The following TSPAN12 variants were observed in gnomAD, a reference collection of about 807,000 sequenced individuals.
TSPAN12 encodes the protein tetraspanin-12.
Under a neutral mutation model 39.2 loss-of-function variants are expected in TSPAN12, and 19 were observed. That is an observed-to-expected ratio of 0.49 (90% CI 0.34 to 0.71). TSPAN12 has a LOEUF of 0.71. TSPAN12 is among the 30% of genes least tolerant of loss of function. TSPAN12 has a pLI of 0.01. For missense variants in TSPAN12, 314 were observed against 359.9 expected (o/e 0.87, Z 1.03); for synonymous variants, 119 against 124.8 (o/e 0.95, Z 0.31).
chr7:120,829,537 T>A (rs192312781), intron 4 of TSPAN12, among the ~76,000 whole-genome samples: 19 of 152,338 alleles, frequency 1.2e-4, no homozygotes, highest in Admixed American at 1.1e-3. Flanking sequence ...CATCTCCTTT[T>A]AAATGAATGT....
intron 7 of TSPAN12, 32 bp from the exon 8 acceptor site, chr7:120,788,929 T>C (rs1384928922): frequency 6.2e-7 from 1 of 1,610,794 alleles, no homozygotes; most frequent in South Asian, 1.1e-5. Context: ...AACATTACTT[T>C]AGATATGTTA....
rs141656894 is a variant in TSPAN12, at chr7:120,817,052, A to T, written c.286-1249T>A. On this transcript the variant is annotated intron_variant, in intron 4 of 7. Coordinates refer to ENST00000222747, the MANE Select transcript of TSPAN12 (RefSeq NM_012338.4). The stretch of plus-strand genomic sequence containing the variant: ...ATAAAAAATCTAATTTTATTTGATT[A>T]ACATAAAAATGTTTATCTAAGTATC... 1.1e-4 allele frequency among the ~76,000 whole-genome samples: 17 copies of T among 152,288 alleles called. 1 individual carries two copies. In the East Asian group the frequency reaches 1.7e-3, roughly 16 times the overall value.
chr7:120,818,485 C>T (rs1794127721), intron 4 of TSPAN12, among the ~76,000 whole-genome samples: 2 of 151,902 alleles, frequency 1.3e-5, no homozygotes, highest in South Asian at 4.1e-4. Context: ...CTTAAAGTTT[C>T]TTTGTTCATA....
chr7:120,840,053 A>G lies in TSPAN12; in HGVS notation c.123T>C (p.Asn41=). The part of the protein sequence containing the change: ...VSAWMRDYLN[N]VLTLTAETRV... ...TCGTTTCTGCAGTTAAAGTGAGAAC[A>G]TTATTTAGGTAGTCCCTCATCCAAG... Residue 41 remains asparagine, a synonymous_variant, in exon 3 of 8, where the codon AAT becomes AAC. Coordinates refer to ENST00000222747, the MANE Select transcript of TSPAN12 (RefSeq NM_012338.4). The G allele has an allele frequency of 6.2e-7, 1 of 1,613,716 alleles. No individual in the cohort carries two copies. Among genetic ancestry groups the G allele is most frequent in the Non-Finnish European group, 8.5e-7 (1 of 1,179,672 alleles).
intron 4 of TSPAN12, among the ~76,000 whole-genome samples, chr7:120,824,388 G>GC (rs1467756253): frequency 6.6e-6 from 1 of 151,904 alleles, no homozygotes; most frequent in Non-Finnish European, 1.5e-5. Context: ...GTTGCAGTGA[G>GC]CCAAGATGGT....
intron 2 of TSPAN12, among the ~76,000 whole-genome samples, chr7:120,847,227 A>T (rs1305127681): frequency 7.2e-6 from 1 of 139,798 alleles, no homozygotes; most frequent in African/African-American, 2.9e-5. Context: ...TAGAAGAGCT[A>T]TATGACAAAA....
chr7:120,814,758 G>T (rs1794047718), intron 5 of TSPAN12, among the ~76,000 whole-genome samples: 1 of 152,256 alleles, frequency 6.6e-6, no homozygotes, highest in Admixed American at 6.5e-5. Flanking sequence ...AGCTATAAAA[G>T]TTGTCCCAAC....
intron 4 of TSPAN12, among the ~76,000 whole-genome samples, chr7:120,828,785 A>C (rs567660392): frequency 6.6e-6 from 1 of 151,912 alleles, no homozygotes; most frequent in Admixed American, 6.6e-5. Context: ...TCTGTGCTTC[A>C]ACTCAACTGT....
chr7:120,814,239 C>G (rs1253571509), intron 5 of TSPAN12: 1 of 456,594 alleles, frequency 2.2e-6, no homozygotes, highest in Non-Finnish European at 4.4e-6. Context: ...CCAAATGACT[C>G]TCTTCGCTCT....
chr7:120,850,507 T>A (rs566075218), intron 2 of TSPAN12, among the ~76,000 whole-genome samples: 6 of 152,288 alleles, frequency 3.9e-5, no homozygotes, highest in Non-Finnish European at 8.8e-5. Context: ...TCAGGATTAT[T>A]CCCTGAGTGG....
At chr7:120,796,140 T>G (rs1793624533) in intron 7 of TSPAN12, among the ~76,000 whole-genome samples, 1 of 152,180 alleles carries the variant, frequency 6.6e-6, no homozygotes, top group Non-Finnish European at 1.5e-5. Flanking sequence ...GTGAGGCCAG[T>G]TCCAGCAGCC....
At chr7:120,801,092 C>T (rs1472791128) in intron 7 of TSPAN12, among the ~76,000 whole-genome samples, 1 of 152,088 alleles carries the variant, frequency 6.6e-6, no homozygotes, top group African/African-American at 2.4e-5. Flanking sequence ...GGCTCCTTAT[C>T]TTGTCTTTAA....
chr7:120,830,141 A>C (rs1192923164), intron 4 of TSPAN12, among the ~76,000 whole-genome samples: 2 of 152,110 alleles, frequency 1.3e-5, no homozygotes, highest in African/African-American at 4.8e-5. Context: ...GATGAAAGAA[A>C]TTGAAGATGA....
intron 2 of TSPAN12, among the ~76,000 whole-genome samples, chr7:120,846,979 A>G (rs1794682293): frequency 6.6e-6 from 1 of 152,210 alleles, no homozygotes; most frequent in Non-Finnish European, 1.5e-5. Flanking sequence ...TGACATGGTA[A>G]GCAAAATTGG....
chr7:120,797,036 A>T (rs1793645930), intron 7 of TSPAN12, among the ~76,000 whole-genome samples: 1 of 152,192 alleles, frequency 6.6e-6, no homozygotes, highest in East Asian at 1.9e-4. Flanking sequence ...AGGCGCCTGT[A>T]GTCCCAGCTG....
At chr7:120,813,443 T>C (rs1794020718) in intron 5 of TSPAN12, among the ~76,000 whole-genome samples, 1 of 152,198 alleles carries the variant, frequency 6.6e-6, no homozygotes. Flanking sequence ...TAGAAGAAAG[T>C]GTCTAAACAA....
At chr7:120,820,591 T>G (rs770365105) in intron 4 of TSPAN12, among the ~76,000 whole-genome samples, 1 of 152,100 alleles carries the variant, frequency 6.6e-6, no homozygotes, top group Non-Finnish European at 1.5e-5. Context: ...CTGCTGTATT[T>G]CAGGTCTCAG....
At chr7:120,803,592 T>C (rs903509480) in intron 7 of TSPAN12, among the ~76,000 whole-genome samples, 3 of 152,220 alleles carry the variant, frequency 2.0e-5, no homozygotes, top group Non-Finnish European at 4.4e-5. Flanking sequence ...TATCAGCATA[T>C]GTTATTAGTT....
Position 120,857,363 on chromosome 7 carries a change from T to G in TSPAN12, c.-71+457A>C, listed in dbSNP as rs1348749325. On this transcript the variant is annotated intron_variant, in intron 1 of 7. Transcript: ENST00000222747. Reference sequence around the variant, plus strand: ...CAGCTCGGGTGTGAATGCAAGGGACTGGGGCGGCGGGGCGGGGGCGGGGGC... The same window carrying G: ...CAGCTCGGGTGTGAATGCAAGGGACGGGGGCGGCGGGGCGGGGGCGGGGGC... 13 of 154,704 alleles carry G rather than the reference T, an allele frequency of 8.4e-5. No homozygotes were observed. In the South Asian group the frequency reaches 1.8e-3, roughly 21 times the overall value. 9.6% of individuals were successfully genotyped at this position (154,704 alleles called of 1,614,324 possible). A position where few individuals can be genotyped will look rare whatever the true frequency, so the allele number is the denominator to read the frequency against.
Sources: gnomAD v4.1 joint callset for allele counts (sites outside exome capture counted in the v4.1 genomes callset) on GRCh38, gnomAD v4.1.1 for gene constraint, MANE v1.5 for transcripts, NCBI Gene and HGNC (gene_info 2026-07-23, HGNC 2026-07-21) for gene names.